The following COL9A1 variants were observed in gnomAD, a reference collection of about 807,000 sequenced individuals.
The protein encoded by COL9A1 is collagen type IX alpha 1 chain.
COL9A1 carries 104 observed loss-of-function variants against 142.6 expected under a neutral mutation model. That is an observed-to-expected ratio of 0.73 (90% CI 0.62 to 0.86). The LOEUF is 0.86. Ranked by LOEUF, COL9A1 falls within the 40% of genes least tolerant of loss-of-function variation. The probability of loss-of-function intolerance (pLI) is 0.00; values close to 1 mark genes in which losing one functional copy is unlikely to be tolerated. For missense variants in COL9A1, 1,210 were observed against 1,176.6 expected, an observed-to-expected ratio of 1.03 and a Z score of -0.42; for synonymous variants, 466 against 396.0, an observed-to-expected ratio of 1.18 and a Z score of -2.10.
At chr6:70,241,698 T>C (rs1269461556) in intron 30 of COL9A1, among the ~76,000 whole-genome samples, 2 of 152,220 alleles carry the variant, frequency 1.3e-5, no homozygotes, top group African/African-American at 4.8e-5. Context: ...ATTTGACTAG[T>C]AGAAATGTAA....
In COL9A1 at chr6:70,254,369, A is replaced by T. The variant is rs1187134891; in HGVS notation, c.1719+107T>A. On this transcript the variant is annotated intron_variant, in intron 25 of 37. Coordinates refer to ENST00000357250, the MANE Select transcript of COL9A1 (RefSeq NM_001851.6). ...TGTAAAAATGTAAAAGTAAAACATC[A>T]TATCTTCCCCAGAACTTATCAGATT... The T allele has an allele frequency of 1.1e-5, 11 of 963,048 alleles. No homozygotes were observed. In the African/African-American group the frequency reaches 1.5e-4, roughly 13 times the overall value. 59.7% of individuals were successfully genotyped at this position (963,048 alleles called of 1,614,324 possible).
chr6:70,282,898 C>G lies in COL9A1; in HGVS notation c.801G>C (p.Glu267Asp). The change falls in exon 7 of 38, where the codon GAG becomes GAC. Residue 267 changes from glutamate (E) to aspartate (D), a missense_variant and splice_region_variant. Glu to Asp is a conservative substitution (Grantham distance 45, BLOSUM62 2). Transcript: ENST00000357250. Reference protein sequence around the residue: ...ARITPSQTTDERGPPGEQGPP... With the variant: ...ARITPSQTTDDRGPPGEQGPP... ...CAAACACTCCCTGCCCCCAACTTACCTCGTCGGTGGTCTGGCTGGGCTGGA... is the reference window on the plus strand; with the variant it reads ...CAAACACTCCCTGCCCCCAACTTACGTCGTCGGTGGTCTGGCTGGGCTGGA... 1 of 1,614,198 alleles carries G rather than the reference C, an allele frequency of 6.2e-7. No homozygotes were observed. Among genetic ancestry groups the G allele is most frequent in the Non-Finnish European group, 8.5e-7 (1 of 1,180,038 alleles).
At chr6:70,219,907 A>G (rs1768762400) in intron 37 of COL9A1, among the ~76,000 whole-genome samples, 1 of 152,270 alleles carries the variant, frequency 6.6e-6, no homozygotes, top group African/African-American at 2.4e-5. Flanking sequence ...ATTAAAAAGC[A>G]GAAGGATAGC....
chr6:70,255,703 A>G (rs1771239888), intron 21 of COL9A1, among the ~76,000 whole-genome samples: 1 of 152,234 alleles, frequency 6.6e-6, no homozygotes, highest in Non-Finnish European at 1.5e-5. Flanking sequence ...GCATGTACAT[A>G]TCAGCTAACT....
intron 10 of COL9A1, among the ~76,000 whole-genome samples, chr6:70,277,757 C>T (rs1246485119): frequency 1.3e-5 from 2 of 152,158 alleles, no homozygotes; most frequent in African/African-American, 2.4e-5. Flanking sequence ...AACAGGGTTC[C>T]TTTCTGATTC....
chr6:70,219,504 C>T, intron 37 of COL9A1, among the ~76,000 whole-genome samples: 1 of 152,200 alleles, frequency 6.6e-6, no homozygotes, highest in South Asian at 2.1e-4. Context: ...ATAAAGTTTG[C>T]TGATCCCTGA....
At chr6:70,233,341 T>C (rs1174858843) in intron 35 of COL9A1, among the ~76,000 whole-genome samples, 1 of 152,190 alleles carries the variant, frequency 6.6e-6, no homozygotes, top group Non-Finnish European at 1.5e-5. Flanking sequence ...TTTTCCACGC[T>C]TGAAATAGAC....
At chr6:70,263,180 A>G in intron 19 of COL9A1, 64 bp downstream of exon 19, 2 of 1,293,608 alleles carry the variant, frequency 1.5e-6, no homozygotes, top group Non-Finnish European at 1.1e-6. Context: ...AAAATATTCC[A>G]ACAGTCATGA....
Position 70,280,362 on chromosome 6 carries a change from G to A in COL9A1, c.975+450C>T, listed in dbSNP as rs1385682824. On this transcript the variant is annotated intron_variant, in intron 10 of 37. Coordinates refer to ENST00000357250, the MANE Select transcript of COL9A1 (RefSeq NM_001851.6). ...TGCTCTGGCCCTTTGCCTACCTGCA[G>A]GATCTTTTTCTAAATTAATGCAGGG... 5 of 1,177,490 alleles carry A rather than the reference G, an allele frequency of 4.2e-6. No individual in the cohort carries two copies. The East Asian group carries it at 2.1e-4, about 49-fold the overall frequency. 72.9% of individuals were successfully genotyped at this position (1,177,490 alleles called of 1,614,324 possible).
intron 18 of COL9A1, among the ~76,000 whole-genome samples, chr6:70,265,299 G>GGAAA (rs2127585072): frequency 6.6e-6 from 1 of 152,008 alleles, no homozygotes; most frequent in African/African-American, 2.4e-5. Flanking sequence ...ATTCCCCAAA[G>GGAAA]GAAAGCATCA....
At chr6:70,259,952 G>A (rs1254633211) in intron 20 of COL9A1, among the ~76,000 whole-genome samples, 1 of 151,972 alleles carries the variant, frequency 6.6e-6, no homozygotes, top group Non-Finnish European at 1.5e-5. Context: ...GTGGGTCACT[G>A]GAGGCTCCAG....
At chr6:70,222,358 A>G (rs1341943635) in intron 37 of COL9A1, among the ~76,000 whole-genome samples, 1 of 152,208 alleles carries the variant, frequency 6.6e-6, no homozygotes, top group Non-Finnish European at 1.5e-5. Context: ...TCAAGGTAAA[A>G]GAATAGTGCA....
chr6:70,237,553 A>T (rs1769993448), intron 33 of COL9A1, among the ~76,000 whole-genome samples: 1 of 152,218 alleles, frequency 6.6e-6, no homozygotes, highest in Non-Finnish European at 1.5e-5. Context: ...TCCTAATACT[A>T]TATGCAAATT....
Position 70,253,268 on chromosome 6 carries a change from C to T in COL9A1, c.1764+117G>A, listed in dbSNP as rs74801396. 746 of 699,970 alleles carry T rather than the reference C, an allele frequency of 1.1e-3. 5 individuals are homozygous for T. The East Asian group carries it at 0.018, about 17-fold the overall frequency. The allele number at this position is 699,970 out of a possible 1,614,324, so 43.4% of individuals were successfully genotyped here. A position where few individuals can be genotyped will look rare whatever the true frequency, so the allele number is the denominator to read the frequency against. Reference sequence around the variant, plus strand: ...CCTTAACACATTTACCTTTTTATTTCTCCCTAGGGCCAAATATAAAATAAA... The same window carrying T: ...CCTTAACACATTTACCTTTTTATTTTTCCCTAGGGCCAAATATAAAATAAA... On this transcript the variant is annotated intron_variant, in intron 26 of 37. Transcript: ENST00000357250.
intron 37 of COL9A1, among the ~76,000 whole-genome samples, chr6:70,217,424 A>C (rs570598744): frequency 5.8e-4 from 88 of 152,340 alleles, no homozygotes; most frequent in African/African-American, 2.0e-3. Flanking sequence ...ACTAAGGATC[A>C]AACACACCTG....
intron 7 of COL9A1, among the ~76,000 whole-genome samples, chr6:70,282,500 C>A (rs1194653425): frequency 9.1e-6 from 1 of 109,406 alleles, no homozygotes; most frequent in Non-Finnish European, 1.7e-5. Flanking sequence ...GCTGGAGGAG[C>A]GGGAGAGGGA....
rs12194091 is a variant in COL9A1 at position 70,263,111 on chromosome 6, G to C, written c.1395+133C>G. ...GAAGTAGTTATCCCCCAGTGCTGGC[G>C]TGGTGGAAAATAGAGGACACCAAGT... On this transcript the variant is annotated intron_variant, in intron 19 of 37. Coordinates refer to ENST00000357250, the MANE Select transcript of COL9A1 (RefSeq NM_001851.6). 8 of 640,690 alleles carry C rather than the reference G, an allele frequency of 1.2e-5. No individual in the cohort carries two copies. The African/African-American group carries it at 1.3e-4, about 10-fold the overall frequency. The allele number at this position is 640,690 out of a possible 1,614,324, so 39.7% of individuals were successfully genotyped here.
chr6:70,302,157 T>A lies in COL9A1; in HGVS notation c.15-83A>T, dbSNP rs952414650. ...TCCATATTTTCAAACCTAGTAAACC[T>A]AATTAATGTAAGGTGATCAAATCAC... On this transcript the variant is annotated intron_variant, in intron 1 of 37. Coordinates refer to ENST00000357250, the MANE Select transcript of COL9A1 (RefSeq NM_001851.6). 5.7e-6 allele frequency: 4 copies of A among 705,026 alleles called. No homozygotes were observed. The African/African-American group carries it at 5.8e-5, about 10-fold the overall frequency. The allele number at this position is 705,026 out of a possible 1,614,324, so 43.7% of individuals were successfully genotyped here. A position where few individuals can be genotyped will look rare whatever the true frequency, so the allele number is the denominator to read the frequency against.
At chr6:70,291,443 C>G (rs1193298733) in intron 5 of COL9A1, among the ~76,000 whole-genome samples, 2 of 152,076 alleles carry the variant, frequency 1.3e-5, no homozygotes, top group Non-Finnish European at 2.9e-5. Context: ...AGATTTTTTT[C>G]TATGTGCTTC....
Sources: gnomAD v4.1 joint callset for allele counts (sites outside exome capture counted in the v4.1 genomes callset) on GRCh38, gnomAD v4.1.1 for gene constraint, MANE v1.5 for transcripts, NCBI Gene and HGNC (gene_info 2026-07-23, HGNC 2026-07-21) for gene names.